Variants in TMEM132D observed in about 807,000 individuals in gnomAD.
TMEM132D encodes transmembrane protein 132D.
Under a neutral mutation model 62.3 loss-of-function variants are expected in TMEM132D, and 21 were observed. That is an observed-to-expected ratio of 0.34 (90% CI 0.24 to 0.49). TMEM132D has a LOEUF of 0.49. TMEM132D is among the 20% of genes least tolerant of loss of function. The pLI, the probability that TMEM132D is intolerant of heterozygous loss-of-function variation, is 0.99. For synonymous variants in TMEM132D, 621 were observed against 575.6 expected, an observed-to-expected ratio of 1.08 and a Z score of -1.13; for missense variants, 1,346 against 1,402.8, an observed-to-expected ratio of 0.96 and a Z score of 0.65.
intron 3 of TMEM132D, among the ~76,000 whole-genome samples, chr12:129,351,642 C>T (rs1385265282): frequency 6.6e-6 from 1 of 152,214 alleles, no homozygotes; most frequent in Non-Finnish European, 1.5e-5. Flanking sequence ...TCAACCCTAT[C>T]TCAGTTTGGT....
At chr12:129,896,141 TTTTG>T (rs1166816266) in intron 1 of TMEM132D, among the ~76,000 whole-genome samples, 40 of 79,044 alleles carry the variant, frequency 5.1e-4, no homozygotes, top group Admixed American at 1.5e-3. Flanking sequence ...GGCTCATTTT[TTTTG>T]TTTTGTTTTG....
At chr12:129,438,693 T>C (rs1473770892) in intron 3 of TMEM132D, among the ~76,000 whole-genome samples, 1 of 152,190 alleles carries the variant, frequency 6.6e-6, no homozygotes, top group Non-Finnish European at 1.5e-5. Flanking sequence ...ATCTGACACC[T>C]GTATAAGCGA....
intron 3 of TMEM132D, among the ~76,000 whole-genome samples, chr12:129,437,243 A>C (rs1008457393): frequency 1.3e-5 from 2 of 152,148 alleles, no homozygotes; most frequent in African/African-American, 4.8e-5. Context: ...GAGCAACTAT[A>C]ATGACTTTGA....
At chr12:129,787,280 G>C (rs1003721983) in intron 1 of TMEM132D, among the ~76,000 whole-genome samples, 5 of 152,198 alleles carry the variant, frequency 3.3e-5, no homozygotes, top group Non-Finnish European at 7.3e-5. Flanking sequence ...CTAAAGGGAA[G>C]TAAGTAGAAG....
At chr12:129,552,057 G>A (rs1876912893) in intron 2 of TMEM132D, among the ~76,000 whole-genome samples, 1 of 152,118 alleles carries the variant, frequency 6.6e-6, no homozygotes, top group African/African-American at 2.4e-5. Context: ...ACAAAATCAG[G>A]AAAAAGTACT....
chr12:129,736,257 C>CT (rs1460167874), intron 1 of TMEM132D, among the ~76,000 whole-genome samples: 1 of 152,238 alleles, frequency 6.6e-6, no homozygotes, highest in Admixed American at 6.5e-5. Context: ...TGTGATACTT[C>CT]TTTTTTATGG....
At chr12:129,351,076 G>A (rs1237472268) in intron 3 of TMEM132D, among the ~76,000 whole-genome samples, 1 of 152,168 alleles carries the variant, frequency 6.6e-6, no homozygotes, top group East Asian at 1.9e-4. Context: ...GACCAGATGT[G>A]GATGGGATGG....
intron 3 of TMEM132D, among the ~76,000 whole-genome samples, chr12:129,357,854 G>A (rs1870123674): frequency 6.6e-6 from 1 of 152,182 alleles, no homozygotes; most frequent in South Asian, 2.1e-4. Flanking sequence ...CCCAGTGGAA[G>A]ATCTGCTGTC....
chr12:129,534,086 G>A (rs889402105), intron 2 of TMEM132D, among the ~76,000 whole-genome samples: 1 of 152,110 alleles, frequency 6.6e-6, no homozygotes, highest in African/African-American at 2.4e-5. Flanking sequence ...GGCTCCACTG[G>A]GTCTGAGCCA....
intron 1 of TMEM132D, among the ~76,000 whole-genome samples, chr12:129,865,601 T>G (rs978285536): frequency 6.6e-6 from 1 of 152,212 alleles, no homozygotes; most frequent in Non-Finnish European, 1.5e-5. Context: ...TGCAATGGTC[T>G]GACTTCTGTA....
chr12:129,242,668 T>A (rs1301699431), intron 4 of TMEM132D, among the ~76,000 whole-genome samples: 1 of 152,206 alleles, frequency 6.6e-6, no homozygotes, highest in African/African-American at 2.4e-5. Flanking sequence ...TTTTAAAGCT[T>A]AATTTATTTC....
At chr12:129,081,627 T>C in intron 7 of TMEM132D, 132 bp downstream of exon 7, 1 of 1,326,054 alleles carries the variant, frequency 7.5e-7, no homozygotes. Context: ...ACTCCACAAT[T>C]TCTTTGAATT....
intron 4 of TMEM132D, among the ~76,000 whole-genome samples, chr12:129,250,547 C>T (rs1401307986): frequency 6.6e-6 from 1 of 152,120 alleles, no homozygotes; most frequent in African/African-American, 2.4e-5. Context: ...ACCAGAACAC[C>T]CCTGTGCGTG....
chr12:129,278,529 CAGG>C (rs56272509), intron 4 of TMEM132D, among the ~76,000 whole-genome samples: 4,221 of 152,212 alleles, frequency 0.028, 177 homozygotes, highest in East Asian at 0.2. Flanking sequence ...GGCTTGGTTT[CAGG>C]AGGAGAAGAC....
intron 1 of TMEM132D, among the ~76,000 whole-genome samples, chr12:129,705,456 C>T (rs540368379): frequency 6.6e-6 from 1 of 152,094 alleles, no homozygotes; most frequent in Non-Finnish European, 1.5e-5. Flanking sequence ...CATTTGCATC[C>T]ACTGTACAAA....
intron 5 of TMEM132D, among the ~76,000 whole-genome samples, chr12:129,144,508 CGACAGCCCTAGCTTA>C (rs907407318): frequency 1.8e-4 from 27 of 152,206 alleles, no homozygotes; most frequent in East Asian, 7.7e-4. Context: ...GACACCCACC[CGACAGCCCTAGCTTA>C]GACAGCCCTA....
chr12:129,636,252 A>G (rs1332474220), intron 2 of TMEM132D, among the ~76,000 whole-genome samples: 1 of 152,256 alleles, frequency 6.6e-6, no homozygotes, highest in Non-Finnish European at 1.5e-5. Flanking sequence ...GGCCTTCCCC[A>G]CAAGAGACAG....
At chr12:129,796,529 A>G (rs536856237) in intron 1 of TMEM132D, among the ~76,000 whole-genome samples, 1 of 152,300 alleles carries the variant, frequency 6.6e-6, no homozygotes, top group South Asian at 2.1e-4. Context: ...TAATTAATCC[A>G]TGGAATACTA....
At chr12:129,603,062 G>A (rs1413218977) in intron 2 of TMEM132D, among the ~76,000 whole-genome samples, 3 of 152,088 alleles carry the variant, frequency 2.0e-5, no homozygotes, top group Non-Finnish European at 2.9e-5. Context: ...GGGGATTATG[G>A]GAACTACAAT....
Sources: gnomAD v4.1 joint callset for allele counts (sites outside exome capture counted in the v4.1 genomes callset) on GRCh38, gnomAD v4.1.1 for gene constraint, MANE v1.5 for transcripts, NCBI Gene and HGNC (gene_info 2026-07-23, HGNC 2026-07-21) for gene names.